ATP8A1: variants seen among roughly 807,000 people sequenced by gnomAD.
The protein encoded by ATP8A1 is phospholipid-transporting ATPase IA.
In ATP8A1, 90 loss-of-function variants were observed where a neutral mutation model predicts 177.7. The ratio of observed to expected loss-of-function variants is 0.51; its 90% CI spans 0.43 to 0.60. The LOEUF is 0.60. Ranked by LOEUF, ATP8A1 falls within the 20% of genes least tolerant of loss-of-function variation. The probability of loss-of-function intolerance (pLI) is 0.00; values close to 1 mark genes in which losing one functional copy is unlikely to be tolerated. For missense variants in ATP8A1, 1,072 were observed against 1,392.8 expected (o/e 0.77, Z 3.67); for synonymous variants, 493 against 485.9 (o/e 1.01, Z -0.19).
At chr4:42,474,818 A>G (rs1328322120) in intron 25 of ATP8A1, among the ~76,000 whole-genome samples, 2 of 152,204 alleles carry the variant, frequency 1.3e-5, no homozygotes, top group African/African-American at 2.4e-5. Flanking sequence ...TAGAAACAAT[A>G]GGGGAAAGGG....
intron 5 of ATP8A1, among the ~76,000 whole-genome samples, chr4:42,605,522 G>C (rs973372174): frequency 2.0e-5 from 3 of 151,906 alleles, no homozygotes; most frequent in Non-Finnish European, 4.4e-5. Context: ...GATTATGCCA[G>C]AGAGTCTTCA....
intron 31 of ATP8A1, among the ~76,000 whole-genome samples, chr4:42,445,612 T>C (rs781000039): frequency 4.0e-4 from 61 of 152,322 alleles, no homozygotes; most frequent in Non-Finnish European, 7.5e-4. Flanking sequence ...TTAAGGCACA[T>C]TAAGGGTTTG....
In ATP8A1 at chr4:42,549,004, A is replaced by T; in HGVS notation, c.1652+9T>A. ...CTTATCCATACAAATCACTGAGCAG[A>T]TGTTTTACCTGGTAAACTCCAAGAC... On this transcript the variant is annotated intron_variant, in intron 19 of 36. Transcript: ENST00000381668. 1 of 1,603,620 alleles carries T rather than the reference A, an allele frequency of 6.2e-7. No homozygotes were observed. The highest frequency in any genetic ancestry group is 8.5e-7 in the Non-Finnish European group (1 of 1,173,916).
At chr4:42,478,904 G>T (rs1055227681) in intron 25 of ATP8A1, among the ~76,000 whole-genome samples, 2 of 152,196 alleles carry the variant, frequency 1.3e-5, no homozygotes, top group Admixed American at 6.5e-5. Context: ...ACCATAAAAA[G>T]AATGTCCATT....
intron 20 of ATP8A1, among the ~76,000 whole-genome samples, chr4:42,532,981 C>T (rs1727431783): frequency 6.6e-6 from 1 of 152,224 alleles, no homozygotes; most frequent in South Asian, 2.1e-4. Flanking sequence ...TCCCACCACC[C>T]TTTGCTGACT....
At chr4:42,462,265 G>A (rs1049258383) in intron 27 of ATP8A1, among the ~76,000 whole-genome samples, 1 of 152,242 alleles carries the variant, frequency 6.6e-6, no homozygotes, top group Non-Finnish European at 1.5e-5. Flanking sequence ...GTATGTCAGA[G>A]TTTTCATGGC....
At chr4:42,574,472 T>C (rs749230771) in intron 14 of ATP8A1, 147 bp downstream of exon 14, 4 of 651,984 alleles carry the variant, frequency 6.1e-6, no homozygotes, top group African/African-American at 1.9e-5. Context: ...GAAATATACA[T>C]GTGTCCTAAA....
At chr4:42,575,557 T>C in intron 13 of ATP8A1, 65 bp downstream of exon 13, 9 of 1,318,144 alleles carry the variant, frequency 6.8e-6, no homozygotes, top group South Asian at 2.4e-5. Context: ...TTATCATATA[T>C]GGCAGATACC....
chr4:42,488,971 T>C (rs1039341065), intron 24 of ATP8A1, among the ~76,000 whole-genome samples: 1 of 152,196 alleles, frequency 6.6e-6, no homozygotes, highest in Non-Finnish European at 1.5e-5. Flanking sequence ...TCTGATTTCA[T>C]CCCGTTGGCA....
intron 33 of ATP8A1, among the ~76,000 whole-genome samples, chr4:42,439,894 C>T (rs1716429821): frequency 6.6e-6 from 1 of 152,164 alleles, no homozygotes; most frequent in Admixed American, 6.5e-5. Flanking sequence ...AGGTAGCAGA[C>T]CTGGGGATCA....
intron 12 of ATP8A1, among the ~76,000 whole-genome samples, chr4:42,577,644 A>T (rs2109334970): frequency 6.6e-6 from 1 of 152,296 alleles, no homozygotes; most frequent in East Asian, 1.9e-4. Context: ...AGACATTTAA[A>T]AACATTTAGA....
chr4:42,638,699 G>C (rs757875622), intron 1 of ATP8A1, among the ~76,000 whole-genome samples: 4 of 152,190 alleles, frequency 2.6e-5, no homozygotes, highest in Admixed American at 6.5e-5. Flanking sequence ...AACTTTATCT[G>C]ACAGAAGAAT....
intron 25 of ATP8A1, among the ~76,000 whole-genome samples, chr4:42,481,482 C>T (rs1207197045): frequency 1.3e-5 from 2 of 152,184 alleles, no homozygotes; most frequent in African/African-American, 4.8e-5. Flanking sequence ...CCCAAACTGC[C>T]AAATCAGTAG....
intron 4 of ATP8A1, among the ~76,000 whole-genome samples, chr4:42,618,627 CACTG>C (rs1404146232): frequency 1.3e-5 from 2 of 152,180 alleles, no homozygotes; most frequent in Admixed American, 6.5e-5. Flanking sequence ...ATTTACTAAA[CACTG>C]ACTATGTGCC....
chr4:42,618,625 A>C (rs1737146936), intron 4 of ATP8A1, among the ~76,000 whole-genome samples: 1 of 152,178 alleles, frequency 6.6e-6, no homozygotes, highest in African/African-American at 2.4e-5. Context: ...ATATTTACTA[A>C]ACACTGACTA....
At chr4:42,541,162 A>G (rs1314719550) in intron 20 of ATP8A1, among the ~76,000 whole-genome samples, 1 of 152,210 alleles carries the variant, frequency 6.6e-6, no homozygotes. Context: ...TACAATTAAA[A>G]AAATAAAAAA....
chr4:42,531,873 G>C lies in ATP8A1; in HGVS notation c.1723-7026C>G, dbSNP rs151310818. Among the ~76,000 whole-genome samples the C allele has an allele frequency of 5.3e-5, 8 of 152,170 alleles. No homozygotes were observed. In the East Asian group the frequency reaches 1.5e-3, roughly 29 times the overall value. On this transcript the variant is annotated intron_variant, in intron 20 of 36. Coordinates refer to ENST00000381668, the MANE Select transcript of ATP8A1 (RefSeq NM_006095.2). ...GTGGCTCACACCTGTAATCCTAGCA[G>C]TTTGGGAGGCTGAGGTAGGCATTCA...
intron 5 of ATP8A1, among the ~76,000 whole-genome samples, chr4:42,608,678 A>G (rs1249162454): frequency 1.3e-5 from 2 of 152,120 alleles, no homozygotes; most frequent in African/African-American, 4.8e-5. Context: ...TAAGTGGGTA[A>G]CAAGAGGCAA....
intron 4 of ATP8A1, among the ~76,000 whole-genome samples, chr4:42,619,150 A>T (rs1737203677): frequency 6.6e-6 from 1 of 152,070 alleles, no homozygotes; most frequent in Admixed American, 6.6e-5. Flanking sequence ...CCAGGGTTCA[A>T]GCCATTCTCA....
Sources: allele counts gnomAD v4.1 joint callset (sites outside exome capture counted in the v4.1 genomes callset), GRCh38; gene constraint gnomAD v4.1.1; transcripts MANE v1.5; gene names NCBI Gene and HGNC (gene_info 2026-07-23, HGNC 2026-07-21).